PAPOLA: variants seen among roughly 807,000 people sequenced by gnomAD.
The protein encoded by PAPOLA is poly(A) polymerase alpha, also known as polynucleotide adenylyltransferase alpha.
In PAPOLA, 15 loss-of-function variants were observed where a neutral mutation model predicts 100.6. That is an observed-to-expected ratio of 0.15 (90% confidence interval 0.10 to 0.23). PAPOLA has a LOEUF of 0.23. Ranked by LOEUF, PAPOLA falls within the 10% of genes least tolerant of loss-of-function variation. The pLI, the probability that PAPOLA is intolerant of heterozygous loss-of-function variation, is 1.00. For synonymous variants in PAPOLA, 293 were observed against 300.0 expected (o/e 0.98, Z 0.24); for missense variants, 533 against 884.2 (o/e 0.60, Z 5.04).
chr14:96,535,405 T>C (rs545361997), intron 10 of PAPOLA: 16 of 982,378 alleles, frequency 1.6e-5, no homozygotes, highest in Non-Finnish European at 1.9e-5. Context: ...TCCTAACATA[T>C]CAACATGGAT....
chr14:96,559,418 T>G (rs1901625523), intron 19 of PAPOLA, among the ~76,000 whole-genome samples: 1 of 151,972 alleles, frequency 6.6e-6, no homozygotes, highest in South Asian at 2.1e-4. Flanking sequence ...TAGGAAAGTT[T>G]TAGATACTCT....
At position 96,506,684 on chromosome 14, in the gene PAPOLA, G is replaced by A. The variant is rs546092103; in HGVS notation, c.8+4084G>A. On this transcript the variant is annotated intron_variant, in intron 1 of 21. Transcript: ENST00000216277. ...TATTAATGCATATAGTTTTAATGCTGTATAATGTGTGCTTAAAAAAAGAAT... is the reference window on the plus strand; with the variant it reads ...TATTAATGCATATAGTTTTAATGCTATATAATGTGTGCTTAAAAAAAGAAT... Among the ~76,000 whole-genome samples the A allele has an allele frequency of 5.3e-5, 8 of 152,266 alleles. No individual in the cohort carries two copies. In the South Asian group the frequency reaches 1.7e-3, roughly 32 times the overall value.
At chr14:96,534,440 T>G in intron 9 of PAPOLA, 51 bp from the exon 10 acceptor site, 1 of 1,596,832 alleles carries the variant, frequency 6.3e-7, no homozygotes, top group Non-Finnish European at 8.5e-7. Context: ...AAAATACGTT[T>G]AGATGGTAAT....
At chr14:96,515,134 C>T (rs559210167) in intron 1 of PAPOLA, among the ~76,000 whole-genome samples, 5 of 152,192 alleles carry the variant, frequency 3.3e-5, no homozygotes, top group Non-Finnish European at 7.4e-5. Context: ...TAGTTGAAAA[C>T]GAATTGTTAT....
intron 13 of PAPOLA, 141 bp downstream of exon 13, chr14:96,542,437 T>G: frequency 1.7e-6 from 1 of 597,436 alleles, no homozygotes; most frequent in South Asian, 2.4e-5. Flanking sequence ...TTACTGTGTG[T>G]AGTGGAAGTA....
At chr14:96,546,619 T>C (rs1238338481) in intron 15 of PAPOLA, among the ~76,000 whole-genome samples, 1 of 152,110 alleles carries the variant, frequency 6.6e-6, no homozygotes, top group Non-Finnish European at 1.5e-5. Context: ...TGGAGCAGCA[T>C]TTGGTACTGA....
At chr14:96,529,101 T>C (rs901164431) in intron 6 of PAPOLA, among the ~76,000 whole-genome samples, 2 of 152,188 alleles carry the variant, frequency 1.3e-5, no homozygotes, top group Non-Finnish European at 2.9e-5. Context: ...TTTTCTATTA[T>C]ACATGCTATA....
At chr14:96,542,987 C>G (rs1410174395) in intron 14 of PAPOLA, 94 bp downstream of exon 14, 3 of 1,256,170 alleles carry the variant, frequency 2.4e-6, no homozygotes, top group Non-Finnish European at 3.4e-6. Flanking sequence ...TATAACTATT[C>G]TGTTGACTAC....
At chr14:96,510,070 G>C (rs1897008868) in intron 1 of PAPOLA, among the ~76,000 whole-genome samples, 1 of 148,864 alleles carries the variant, frequency 6.7e-6, no homozygotes, top group Non-Finnish European at 1.5e-5. Context: ...AAAAAATAAA[G>C]GCATTCTGTT....
At chr14:96,564,902 T>C (rs376879918) in intron 21 of PAPOLA, 53 bp from the exon 22 acceptor site, 9 of 918,068 alleles carry the variant, frequency 9.8e-6, no homozygotes, top group Non-Finnish European at 1.6e-5. Flanking sequence ...ATACATCTCA[T>C]TGTTAAATTA....
intron 1 of PAPOLA, among the ~76,000 whole-genome samples, chr14:96,503,791 G>A (rs1288722980): frequency 1.3e-5 from 2 of 151,924 alleles, no homozygotes; most frequent in Non-Finnish European, 2.9e-5. Context: ...CATAATCACC[G>A]ATTGTAGTTT....
chr14:96,554,904 G>A (rs1195157408), intron 17 of PAPOLA, among the ~76,000 whole-genome samples: 1 of 152,018 alleles, frequency 6.6e-6, no homozygotes, highest in African/African-American at 2.4e-5. Context: ...TATAGAAATA[G>A]GTGTGTCTCT....
intron 9 of PAPOLA, chr14:96,534,261 A>T: frequency 7.5e-7 from 1 of 1,341,996 alleles, no homozygotes; most frequent in South Asian, 2.1e-5. Flanking sequence ...AGTGGCAGAG[A>T]ACGTTTTTGG....
chr14:96,550,548 A>G (rs1330254580), intron 16 of PAPOLA, among the ~76,000 whole-genome samples: 2 of 152,176 alleles, frequency 1.3e-5, no homozygotes, highest in African/African-American at 2.4e-5. Context: ...TACTTTTAAC[A>G]TTTTATTTAT....
At chr14:96,534,589 C>T in intron 10 of PAPOLA, 26 bp downstream of exon 10, 1 of 1,613,626 alleles carries the variant, frequency 6.2e-7, no homozygotes, top group Non-Finnish European at 8.5e-7. Context: ...TTTCCCCTAC[C>T]AATTCACACT....
chr14:96,506,625 A>G (rs1330372754), intron 1 of PAPOLA, among the ~76,000 whole-genome samples: 3 of 152,194 alleles, frequency 2.0e-5, no homozygotes, highest in Non-Finnish European at 2.9e-5. Flanking sequence ...TTTTCCCAAT[A>G]CTTAAAAGAT....
intron 3 of PAPOLA, among the ~76,000 whole-genome samples, chr14:96,522,112 CTTTCTTTTTTTTTTTTTTT>C (rs1190038203): frequency 2.0e-5 from 2 of 98,712 alleles, no homozygotes; most frequent in Non-Finnish European, 3.8e-5. Flanking sequence ...CTCTTTCTTT[CTTTCTTTTTTTTTTTTTTT>C]TTTTTTTTTT....
chr14:96,556,928 C>T (rs1053385674), intron 19 of PAPOLA, among the ~76,000 whole-genome samples: 1 of 152,184 alleles, frequency 6.6e-6, no homozygotes. Flanking sequence ...GCTCTCTAAC[C>T]CTTAAAGAAA....
Position 96,565,110 on chromosome 14 carries a change from T to A in PAPOLA, c.*60T>A. 1 of 925,418 alleles carries A rather than the reference T, an allele frequency of 1.1e-6. No individual in the cohort carries two copies. Among genetic ancestry groups the A allele is most frequent in the Non-Finnish European group, 1.8e-6 (1 of 554,658 alleles). The allele number at this position is 925,418 out of a possible 1,614,324, so 57.3% of individuals were successfully genotyped here. A position where few individuals can be genotyped will look rare whatever the true frequency, so the allele number is the denominator to read the frequency against. ...AACTCAACCTGTTGTCTTCAAATGCTAAAAAAGGAGAATGGAGGGTACAAG... is the reference window on the plus strand; with the variant it reads ...AACTCAACCTGTTGTCTTCAAATGCAAAAAAAGGAGAATGGAGGGTACAAG... On this transcript the variant is annotated 3_prime_UTR_variant, in exon 22 of 22. Coordinates refer to ENST00000216277, the MANE Select transcript of PAPOLA (RefSeq NM_032632.5).
Sources: gnomAD v4.1 joint callset for allele counts (sites outside exome capture counted in the v4.1 genomes callset) on GRCh38, gnomAD v4.1.1 for gene constraint, MANE v1.5 for transcripts, NCBI Gene and HGNC (gene_info 2026-07-23, HGNC 2026-07-21) for gene names.